Variants in CCNY observed in about 807,000 individuals in gnomAD.
CCNY encodes the protein cyclin-Y.
Under a neutral mutation model 42.8 loss-of-function variants are expected in CCNY, and 19 were observed. The ratio of observed to expected loss-of-function variants is 0.44; its 90% CI spans 0.31 to 0.65. The LOEUF is 0.65. CCNY is among the 30% of genes least tolerant of loss of function. The pLI is 0.07. For missense variants in CCNY, 370 were observed against 437.3 expected (o/e 0.85, Z 1.37); for synonymous variants, 165 against 162.7 (o/e 1.01, Z -0.11).
At chr10:35,439,302 C>G (rs1282706591) in intron 1 of CCNY, among the ~76,000 whole-genome samples, 4 of 152,084 alleles carry the variant, frequency 2.6e-5, no homozygotes, top group African/African-American at 9.7e-5. Flanking sequence ...TTATTTCATT[C>G]TGGTCTATTT....
intron 1 of CCNY, among the ~76,000 whole-genome samples, chr10:35,400,426 G>A (rs557877272): frequency 6.6e-6 from 1 of 152,282 alleles, no homozygotes; most frequent in East Asian, 1.9e-4. Flanking sequence ...AGGGAGAGAA[G>A]ATGCTTCACG....
At chr10:35,256,724 C>T (rs1312394234) in intron 3 of CCNY, among the ~76,000 whole-genome samples, 1 of 147,432 alleles carries the variant, frequency 6.8e-6, no homozygotes, top group Non-Finnish European at 1.5e-5. Context: ...GAGAGAGACT[C>T]TGTCTCAAAA....
At chr10:35,346,441 C>G (rs1167326890) in intron 1 of CCNY, among the ~76,000 whole-genome samples, 1 of 152,172 alleles carries the variant, frequency 6.6e-6, no homozygotes, top group Non-Finnish European at 1.5e-5. Flanking sequence ...ATTGGTGGAT[C>G]CCACACATCA....
At chr10:35,510,933 C>T (rs1243100397) in intron 3 of CCNY, among the ~76,000 whole-genome samples, 1 of 152,236 alleles carries the variant, frequency 6.6e-6, no homozygotes, top group African/African-American at 2.4e-5. Flanking sequence ...TGCAGCCAAG[C>T]ACTGGGCTTT....
At chr10:35,513,782 A>G (rs368871179) in intron 3 of CCNY, among the ~76,000 whole-genome samples, 3 of 152,186 alleles carry the variant, frequency 2.0e-5, no homozygotes, top group African/African-American at 7.2e-5. Context: ...TGTGTCATTT[A>G]CTAGCAAAGA....
intron 1 of CCNY, among the ~76,000 whole-genome samples, chr10:35,343,880 A>G (rs1836241622): frequency 6.6e-6 from 1 of 152,208 alleles, no homozygotes; most frequent in South Asian, 2.1e-4. Flanking sequence ...CTTTGAGGAA[A>G]CAGTGCTATT....
rs11010183 is a variant in CCNY, at chr10:35,379,255, T to C, written c.154+42048T>C. On this transcript the variant is annotated intron_variant, in intron 1 of 9. Transcript: ENST00000374704. The stretch of plus-strand genomic sequence containing the variant: ...GGAGACTGGCTTGGCTTTTACATGA[T>C]TAGGGGTTGGGGCTGGTCGAAGGCT... 2.1e-3 allele frequency among the ~76,000 whole-genome samples: 316 copies of C among 152,234 alleles called. 2 individuals are homozygous for C. Among genetic ancestry groups the C allele is most frequent in the African/African-American group, 7.3e-3 (302 of 41,536 alleles).
chr10:35,497,129 A>G (rs1840018843), intron 2 of CCNY, among the ~76,000 whole-genome samples: 1 of 152,232 alleles, frequency 6.6e-6, no homozygotes, highest in African/African-American at 2.4e-5. Context: ...TATGATCCAT[A>G]TCAATTTATT....
rs114307597 is a variant in CCNY at position 35,339,054 on chromosome 10, G to C, written c.154+1847G>C. Among the ~76,000 whole-genome samples the C allele has an allele frequency of 6.5e-3, 995 of 152,334 alleles. 17 individuals are homozygous for C. The highest frequency in any genetic ancestry group is 0.023 in the African/African-American group (951 of 41,582). ...TTTGCAGATTCAGGATAGTTTGAGA[G>C]AGTATAGGGCAGGTTTCCAATCTAG... On this transcript the variant is annotated intron_variant, in intron 1 of 9. Transcript: ENST00000374704.
intron 1 of CCNY, among the ~76,000 whole-genome samples, chr10:35,363,813 G>C (rs886106581): frequency 6.6e-6 from 1 of 152,196 alleles, no homozygotes; most frequent in South Asian, 2.1e-4. Flanking sequence ...ATAATTTTGT[G>C]CCTGAAGGTG....
At chr10:35,554,997 T>A (rs1589205113) in intron 8 of CCNY, among the ~76,000 whole-genome samples, 1 of 152,330 alleles carries the variant, frequency 6.6e-6, no homozygotes, top group East Asian at 1.9e-4. Flanking sequence ...TTAAGATCAA[T>A]GGAAAATCCT....
chr10:35,469,035 T>A (rs543195424), intron 1 of CCNY, among the ~76,000 whole-genome samples: 1 of 152,244 alleles, frequency 6.6e-6, no homozygotes, highest in African/African-American at 2.4e-5. Context: ...GTTAAAATAA[T>A]AGTGTCTTCA....
chr10:35,277,535 C>T (rs1157168399), intron 3 of CCNY, among the ~76,000 whole-genome samples: 2 of 152,124 alleles, frequency 1.3e-5, no homozygotes, highest in Non-Finnish European at 2.9e-5. Flanking sequence ...GTTAAGACTT[C>T]CTTAAACTCT....
rs117727001 is a variant in CCNY at position 35,524,055 on chromosome 10, A to G, written c.366-1909A>G. On this transcript the variant is annotated intron_variant, in intron 4 of 9. Transcript: ENST00000374704. ...TCATCACAGCATGACTAGTAAACGA[A>G]TGAAACTAATTCCTCCCTTTCCCAG... is the stretch of plus-strand genomic sequence containing the variant. Among the ~76,000 whole-genome samples the G allele has an allele frequency of 2.6e-3, 394 of 152,330 alleles. 2 individuals are homozygous for G. Among genetic ancestry groups the G allele is most frequent in the Non-Finnish European group, 3.3e-3 (226 of 68,026 alleles).
At chr10:35,283,915 C>A (rs1000536710) in intron 3 of CCNY, among the ~76,000 whole-genome samples, 1 of 152,046 alleles carries the variant, frequency 6.6e-6, no homozygotes, top group African/African-American at 2.4e-5. Context: ...GAAATCCCGT[C>A]TCTACTAAAA....
chr10:35,260,627 G>C (rs2095718882), intron 3 of CCNY, among the ~76,000 whole-genome samples: 1 of 152,232 alleles, frequency 6.6e-6, no homozygotes. Context: ...GGTCAATCAG[G>C]TCATTTGATG....
chr10:35,261,239 A>AATT (rs1554963507), intron 3 of CCNY, among the ~76,000 whole-genome samples: 9,102 of 132,098 alleles, frequency 0.069, 330 homozygotes, highest in Non-Finnish European at 0.09. Flanking sequence ...AAAAAAAAAA[A>AATT]TTTTTTTTTT....
At chr10:35,515,551 G>A (rs1840410404) in intron 3 of CCNY, among the ~76,000 whole-genome samples, 1 of 152,194 alleles carries the variant, frequency 6.6e-6, no homozygotes, top group African/African-American at 2.4e-5. Flanking sequence ...GTGTGTTGCA[G>A]GCGGGCAGGT....
Position 35,545,695 on chromosome 10 carries a change from G to A in CCNY, c.580-7324G>A, listed in dbSNP as rs113332595. Among the ~76,000 whole-genome samples the A allele has an allele frequency of 3.4e-3, 514 of 152,242 alleles. 4 individuals are homozygous for A. The highest frequency in any genetic ancestry group is 0.012 in the African/African-American group (483 of 41,546). ...GACACACTGTAACCCATATCCACAG[G>A]ATACCAACAGAATCGTGTAAGATTT... On this transcript the variant is annotated intron_variant, in intron 7 of 9. Coordinates refer to ENST00000374704, the MANE Select transcript of CCNY (RefSeq NM_145012.6).
Sources: gnomAD v4.1 joint callset for allele counts (sites outside exome capture counted in the v4.1 genomes callset) on GRCh38, gnomAD v4.1.1 for gene constraint, MANE v1.5 for transcripts, NCBI Gene and HGNC (gene_info 2026-07-23, HGNC 2026-07-21) for gene names.